Variants in MAN2A1 observed in about 807,000 individuals in gnomAD.
MAN2A1 encodes alpha-mannosidase 2.
MAN2A1 carries 76 observed loss-of-function variants against 142.6 expected under a neutral mutation model. The ratio of observed to expected loss-of-function variants is 0.53; its 90% CI spans 0.44 to 0.65. The LOEUF (loss-of-function observed/expected upper bound fraction) is 0.65, where lower values mean the gene tolerates loss of function less well. Among genes scored for constraint, MAN2A1 ranks in the 30% least tolerant of loss-of-function variants. The pLI is 0.00. For missense variants in MAN2A1, 1,311 were observed against 1,365.1 expected, an observed-to-expected ratio of 0.96 and a Z score of 0.62; for synonymous variants, 559 against 473.2, an observed-to-expected ratio of 1.18 and a Z score of -2.35.
At chr5:109,833,091 C>A (rs1754965284) in intron 16 of MAN2A1, among the ~76,000 whole-genome samples, 1 of 150,626 alleles carries the variant, frequency 6.6e-6, no homozygotes, top group South Asian at 2.1e-4. Flanking sequence ...GGCAGAGGCG[C>A]TCCCCATATC....
chr5:109,842,213 CAA>C (rs1755224053), intron 16 of MAN2A1, 113 bp from the exon 17 acceptor site: 1 of 605,574 alleles, frequency 1.7e-6, no homozygotes, highest in Non-Finnish European at 2.7e-6. Context: ...GATGTTAAGA[CAA>C]GAAGTAGAAA....
At chr5:109,736,616 A>G (rs890994795) in intron 4 of MAN2A1, among the ~76,000 whole-genome samples, 4 of 152,008 alleles carry the variant, frequency 2.6e-5, no homozygotes, top group Non-Finnish European at 5.9e-5. Flanking sequence ...AGTTACTCAG[A>G]TTGTTTCTGA....
intron 3 of MAN2A1, among the ~76,000 whole-genome samples, chr5:109,720,853 A>G (rs1751582863): frequency 1.3e-5 from 2 of 152,246 alleles, no homozygotes; most frequent in South Asian, 2.1e-4. Context: ...ACTGATCAGA[A>G]TGAGATGGTC....
intron 20 of MAN2A1, among the ~76,000 whole-genome samples, chr5:109,859,165 C>G (rs1011100832): frequency 2.0e-5 from 3 of 152,016 alleles, no homozygotes; most frequent in East Asian, 1.9e-4. Flanking sequence ...ATAAAATCAC[C>G]CAGTGGTAAA....
chr5:109,863,418 A>G (rs984782974), intron 20 of MAN2A1: 1 of 152,220 alleles, frequency 6.6e-6, no homozygotes, highest in African/African-American at 2.4e-5. Flanking sequence ...TGAAACCCAC[A>G]GCTAGTAAAT....
intron 1 of MAN2A1, among the ~76,000 whole-genome samples, chr5:109,710,922 T>C (rs2112558431): frequency 6.6e-6 from 1 of 152,272 alleles, no homozygotes; most frequent in East Asian, 1.9e-4. Flanking sequence ...ACTCCCGAAC[T>C]CAGGTGATCC....
chr5:109,748,210 G>A (rs908669262), intron 4 of MAN2A1, among the ~76,000 whole-genome samples: 12 of 152,176 alleles, frequency 7.9e-5, no homozygotes, highest in Non-Finnish European at 1.5e-5. Context: ...ATTGCCAGCA[G>A]TATGTGAGAC....
At chr5:109,724,062 T>C (rs1037513728) in intron 3 of MAN2A1, among the ~76,000 whole-genome samples, 2 of 152,198 alleles carry the variant, frequency 1.3e-5, no homozygotes, top group African/African-American at 2.4e-5. Flanking sequence ...GCTTAACTTA[T>C]AATAGAAGTG....
At chr5:109,786,906 A>G (rs946978181) in intron 10 of MAN2A1, among the ~76,000 whole-genome samples, 14 of 152,050 alleles carry the variant, frequency 9.2e-5, no homozygotes, top group Non-Finnish European at 2.1e-4. Context: ...TGGTTCTGGT[A>G]TGGCAGCTCT....
intron 3 of MAN2A1, among the ~76,000 whole-genome samples, chr5:109,727,196 A>C (rs1441400166): frequency 6.6e-6 from 1 of 152,204 alleles, no homozygotes; most frequent in Admixed American, 6.5e-5. Flanking sequence ...AAAGTACCAG[A>C]CTAAGTGGCT....
chr5:109,755,578 T>G (rs939326562), intron 5 of MAN2A1, 122 bp downstream of exon 5: 6 of 712,162 alleles, frequency 8.4e-6, no homozygotes, highest in African/African-American at 1.8e-5. Flanking sequence ...GTTGAATAAT[T>G]TATTCTTCAT....
chr5:109,825,900 CTTTTTTTT>C (rs869069525), intron 16 of MAN2A1, among the ~76,000 whole-genome samples: 5 of 92,182 alleles, frequency 5.4e-5, no homozygotes, highest in African/African-American at 2.0e-4. Flanking sequence ...TCTTTCCTTC[CTTTTTTTT>C]TTTTTTTTTT....
chr5:109,812,281 T>TCAGACA (rs1754340552), intron 12 of MAN2A1, among the ~76,000 whole-genome samples: 1 of 152,104 alleles, frequency 6.6e-6, no homozygotes, highest in Non-Finnish European at 1.5e-5. Context: ...GGATTTGAGT[T>TCAGACA]TGAATGTGTC....
chr5:109,860,438 A>T (rs923930404), intron 20 of MAN2A1, among the ~76,000 whole-genome samples: 1 of 152,154 alleles, frequency 6.6e-6, no homozygotes, highest in Non-Finnish European at 1.5e-5. Flanking sequence ...TTTTCAAAGA[A>T]TCTGAGTGGG....
At chr5:109,735,649 G>A (rs565283484) in intron 4 of MAN2A1, among the ~76,000 whole-genome samples, 13 of 152,166 alleles carry the variant, frequency 8.5e-5, no homozygotes, top group African/African-American at 2.9e-4. Context: ...GCTGTAGACC[G>A]GAGCTGTTCC....
intron 4 of MAN2A1, among the ~76,000 whole-genome samples, chr5:109,752,234 G>T (rs760329537): frequency 6.6e-6 from 1 of 152,082 alleles, no homozygotes; most frequent in East Asian, 1.9e-4. Flanking sequence ...CCATGTTCTA[G>T]ATCATATCAT....
intron 2 of MAN2A1, 71 bp downstream of exon 2, chr5:109,713,845 T>G (rs2112562543): frequency 6.9e-7 from 1 of 1,441,090 alleles, no homozygotes; most frequent in Non-Finnish European, 9.4e-7. Context: ...TGACCTGATG[T>G]CTGTTCTGAC....
rs147333237 is a variant in MAN2A1 at position 109,747,325 on chromosome 5, T to C, written c.708-8004T>C. On this transcript the variant is annotated intron_variant, in intron 4 of 21. Coordinates refer to ENST00000261483, the MANE Select transcript of MAN2A1 (RefSeq NM_002372.4). Reference sequence around the variant, plus strand: ...ACATGAAAATGGCAGTAATTCTGTATGTGTGCTTCTTGTATTTTTGTTATA... The same window carrying C: ...ACATGAAAATGGCAGTAATTCTGTACGTGTGCTTCTTGTATTTTTGTTATA... Among the ~76,000 whole-genome samples, 4 of 152,336 alleles carry C rather than the reference T, an allele frequency of 2.6e-5. No homozygotes were observed. In the East Asian group the frequency reaches 7.7e-4, roughly 29 times the overall value.
Position 109,823,753 on chromosome 5 carries a change from A to C in MAN2A1, c.2482A>C (p.Arg828=). 2 of 1,608,524 alleles carry C rather than the reference A, an allele frequency of 1.2e-6. No individual in the cohort carries two copies. Among genetic ancestry groups the C allele is most frequent in the South Asian group, 1.1e-5 (1 of 89,898 alleles). ...PYVYTTPPFV[R]VTHGRIYSEV... is the part of the protein sequence containing the mutation. ...TGTTTACACAACACCGCCCTTTGTCAGAGTGACACATGGAAGGATTTATTC... is the reference window on the plus strand; with the variant it reads ...TGTTTACACAACACCGCCCTTTGTCCGAGTGACACATGGAAGGATTTATTC... Residue 828 remains arginine (R), a synonymous_variant, in exon 16 of 22, where the codon AGA becomes CGA. Coordinates refer to ENST00000261483, the MANE Select transcript of MAN2A1 (RefSeq NM_002372.4).
Sources: allele counts gnomAD v4.1 joint callset (sites outside exome capture counted in the v4.1 genomes callset), GRCh38; gene constraint gnomAD v4.1.1; transcripts MANE v1.5; gene names NCBI Gene and HGNC (gene_info 2026-07-23, HGNC 2026-07-21).